SPOCK1: variants seen among roughly 807,000 people sequenced by gnomAD.
The protein encoded by SPOCK1 is testican-1.
In SPOCK1, 23 loss-of-function variants were observed where a neutral mutation model predicts 55.3. The ratio of observed to expected loss-of-function variants is 0.42; its 90% confidence interval spans 0.30 to 0.59. The LOEUF (loss-of-function observed/expected upper bound fraction) is 0.59, where lower values mean the gene tolerates loss of function less well. Ranked by LOEUF, SPOCK1 falls within the 20% of genes least tolerant of loss-of-function variation. The pLI, the probability that SPOCK1 is intolerant of heterozygous loss-of-function variation, is 0.22. For synonymous variants in SPOCK1, 226 were observed against 221.0 expected, an observed-to-expected ratio of 1.02 and a Z score of -0.20; for missense variants, 499 against 552.5, an observed-to-expected ratio of 0.90 and a Z score of 0.97.
At chr5:137,285,666 T>A (rs1757250273) in intron 2 of SPOCK1, among the ~76,000 whole-genome samples, 1 of 152,226 alleles carries the variant, frequency 6.6e-6, no homozygotes, top group Non-Finnish European at 1.5e-5. Flanking sequence ...ACATGAAACA[T>A]GGAGCTGCCA....
intron 4 of SPOCK1, among the ~76,000 whole-genome samples, chr5:137,133,665 C>G (rs1238664030): frequency 1.3e-5 from 2 of 151,980 alleles, no homozygotes; most frequent in Non-Finnish European, 2.9e-5. Context: ...GGTCCTTAAC[C>G]TGAGCACAGC....
chr5:137,171,373 C>T (rs1033604024), intron 3 of SPOCK1, among the ~76,000 whole-genome samples: 2 of 152,158 alleles, frequency 1.3e-5, no homozygotes, highest in African/African-American at 4.8e-5. Flanking sequence ...TATGCCCCCA[C>T]TGACTTCCAT....
At chr5:137,450,445 C>T (rs1753231435) in intron 2 of SPOCK1, among the ~76,000 whole-genome samples, 1 of 152,146 alleles carries the variant, frequency 6.6e-6, no homozygotes, top group African/African-American at 2.4e-5. Context: ...GCAGGTGCAT[C>T]TCCCCAGGAA....
intron 4 of SPOCK1, among the ~76,000 whole-genome samples, chr5:137,113,993 G>A (rs1037873370): frequency 6.6e-6 from 1 of 152,172 alleles, no homozygotes; most frequent in Non-Finnish European, 1.5e-5. Context: ...CGTTAATTTG[G>A]TTCTTATTCT....
At chr5:136,999,800 A>T (rs1018722018) in intron 6 of SPOCK1, among the ~76,000 whole-genome samples, 1 of 152,182 alleles carries the variant, frequency 6.6e-6, no homozygotes, top group African/African-American at 2.4e-5. Flanking sequence ...TAGAAATCCT[A>T]ACTGAAGCCA....
intron 6 of SPOCK1, among the ~76,000 whole-genome samples, chr5:137,022,549 A>C (rs1751596658): frequency 6.6e-6 from 1 of 152,176 alleles, no homozygotes; most frequent in Non-Finnish European, 1.5e-5. Context: ...CAAGTAGAGG[A>C]AAGAGGATAT....
At chr5:137,214,139 T>C (rs774776484) in intron 3 of SPOCK1, among the ~76,000 whole-genome samples, 12 of 152,150 alleles carry the variant, frequency 7.9e-5, no homozygotes, top group Non-Finnish European at 1.3e-4. Context: ...TTAACAAAAT[T>C]ACTATTACTT....
intron 2 of SPOCK1, among the ~76,000 whole-genome samples, chr5:137,436,813 T>C (rs1331672041): frequency 2.0e-5 from 3 of 152,224 alleles, no homozygotes; most frequent in Non-Finnish European, 4.4e-5. Context: ...AAGGATTCTG[T>C]AACATTTCCT....
chr5:137,364,924 C>G (rs1442285134), intron 2 of SPOCK1: 1 of 152,260 alleles, frequency 6.6e-6, no homozygotes, highest in Non-Finnish European at 1.5e-5. Flanking sequence ...GACTTAGTTG[C>G]ATGCAAACTG....
intron 3 of SPOCK1, among the ~76,000 whole-genome samples, chr5:137,156,193 T>C (rs757882411): frequency 3.9e-5 from 6 of 152,028 alleles, no homozygotes; most frequent in Non-Finnish European, 8.8e-5. Context: ...GGAGGGCCCA[T>C]AGCAATATAA....
intron 3 of SPOCK1, among the ~76,000 whole-genome samples, chr5:137,146,889 C>A (rs576093986): frequency 2.0e-5 from 3 of 152,138 alleles, no homozygotes; most frequent in Non-Finnish European, 4.4e-5. Flanking sequence ...AAAGGTTGGA[C>A]TCATGCATTT....
chr5:137,026,529 C>T lies in SPOCK1; in HGVS notation c.590-33929G>A, dbSNP rs376211585. ...CTGGGTCTCCAGCCTGCCAGCTCAC[C>T]CTGCAGATGTTGGACTTTCCAGCTG... On this transcript the variant is annotated intron_variant, in intron 6 of 10. Coordinates refer to ENST00000394945, the MANE Select transcript of SPOCK1 (RefSeq NM_004598.4). 2.0e-5 allele frequency among the ~76,000 whole-genome samples: 3 copies of T among 152,218 alleles called. No homozygotes were observed. The South Asian group carries it at 6.2e-4, about 32-fold the overall frequency.
At chr5:137,456,806 T>G (rs1419835063) in intron 2 of SPOCK1, among the ~76,000 whole-genome samples, 1 of 152,226 alleles carries the variant, frequency 6.6e-6, no homozygotes, top group African/African-American at 2.4e-5. Context: ...GGGAAATTTA[T>G]ATAAATTTTA....
At chr5:137,471,074 T>C (rs1753729484) in intron 2 of SPOCK1, among the ~76,000 whole-genome samples, 1 of 152,196 alleles carries the variant, frequency 6.6e-6, no homozygotes, top group African/African-American at 2.4e-5. Context: ...TGGCATGCAG[T>C]AAATGCTCAC....
At chr5:137,488,305 C>T (rs574037466) in intron 2 of SPOCK1, among the ~76,000 whole-genome samples, 12 of 152,036 alleles carry the variant, frequency 7.9e-5, no homozygotes, top group African/African-American at 2.2e-4. Context: ...TGAACCCAAG[C>T]GGCAGAGGTT....
At chr5:137,367,044 T>C (rs574294589) in intron 2 of SPOCK1, among the ~76,000 whole-genome samples, 1 of 152,230 alleles carries the variant, frequency 6.6e-6, no homozygotes, top group South Asian at 2.1e-4. Flanking sequence ...TCCAGTGTTT[T>C]TGTTTTGTCA....
intron 2 of SPOCK1, among the ~76,000 whole-genome samples, chr5:137,483,436 T>C (rs1412240672): frequency 6.6e-6 from 1 of 152,198 alleles, no homozygotes; most frequent in Non-Finnish European, 1.5e-5. Context: ...CCATATGCCC[T>C]AGAATGTAAG....
intron 2 of SPOCK1, among the ~76,000 whole-genome samples, chr5:137,446,898 T>C (rs1661828539): frequency 1.3e-5 from 2 of 152,234 alleles, no homozygotes; most frequent in Admixed American, 6.5e-5. Flanking sequence ...AGTGGAATTA[T>C]ACTGTAGTTG....
At chr5:137,062,005 T>G (rs898600408) in intron 6 of SPOCK1, among the ~76,000 whole-genome samples, 1 of 152,160 alleles carries the variant, frequency 6.6e-6, no homozygotes, top group Non-Finnish European at 1.5e-5. Context: ...AGCTGTCAGC[T>G]GATGGCACGC....
Sources: allele counts gnomAD v4.1 joint callset (sites outside exome capture counted in the v4.1 genomes callset), GRCh38; gene constraint gnomAD v4.1.1; transcripts MANE v1.5; gene names NCBI Gene and HGNC (gene_info 2026-07-23, HGNC 2026-07-21).